ERI3: variants seen among roughly 807,000 people sequenced by gnomAD.
The protein encoded by ERI3 is ERI1 exoribonuclease 3.
ERI3 carries 18 observed loss-of-function variants against 44.4 expected under a neutral mutation model. The observed-to-expected ratio is 0.41, with a 90% CI of 0.28 to 0.60. The LOEUF (loss-of-function observed/expected upper bound fraction) is 0.60. Among genes scored for constraint, ERI3 ranks in the 20% least tolerant of loss-of-function variants. ERI3 has a pLI of 0.36. For missense variants in ERI3, 294 were observed against 435.5 expected, an observed-to-expected ratio of 0.68 and a Z score of 2.89; for synonymous variants, 183 against 164.8, an observed-to-expected ratio of 1.11 and a Z score of -0.84.
intron 7 of ERI3, among the ~76,000 whole-genome samples, chr1:44,282,627 A>ATGGC (rs1371574354): frequency 3.3e-5 from 5 of 152,202 alleles, no homozygotes; most frequent in African/African-American, 1.2e-4. Flanking sequence ...TATGTCCTGA[A>ATGGC]TGGCTGTTGG....
chr1:44,281,876 A>ATGTGTGTGTGTG (rs1491326880), intron 7 of ERI3, among the ~76,000 whole-genome samples: 2 of 96,772 alleles, frequency 2.1e-5, no homozygotes, highest in East Asian at 6.0e-4. Context: ...ATACATGTGC[A>ATGTGTGTGTGTG]TATGTGTGTG....
chr1:44,302,161 T>C (rs538655559), intron 6 of ERI3, among the ~76,000 whole-genome samples: 2 of 152,356 alleles, frequency 1.3e-5, no homozygotes, highest in South Asian at 4.1e-4. Context: ...CTCCATGTCA[T>C]CCATGCTTCT....
Position 44,284,881 on chromosome 1 carries a change from C to A in ERI3, c.785G>T (p.Gly262Val), listed in dbSNP as rs759084758. Residue 262 changes from glycine (G) to valine (V), a missense_variant, in exon 7 of 9, where the codon GGC (glycine) becomes GTC (valine). This residue lies in a region of ERI3 where 187 missense variants were observed against 338.6 expected (regional missense o/e 0.55). Transcript: ENST00000372257. Reference sequence around the variant, plus strand: ...CTTGAAGTAATCCGCCACTGGCAAGCCCAAGTACTGGCACTGGCCTGGGAG... The same window carrying A: ...CTTGAAGTAATCCGCCACTGGCAAGACCAAGTACTGGCACTGGCCTGGGAG... ...VMLPGQCQYL[G>V]LPVADYFKQW... 1 of 1,614,064 alleles carries A rather than the reference C, an allele frequency of 6.2e-7. No homozygotes were observed. The highest frequency in any genetic ancestry group is 1.1e-5 in the South Asian group (1 of 91,074).
chr1:44,341,830 C>CA (rs1341458986), intron 2 of ERI3, among the ~76,000 whole-genome samples: 4 of 152,160 alleles, frequency 2.6e-5, no homozygotes, highest in African/African-American at 9.7e-5. Flanking sequence ...GTTGAGGCTA[C>CA]AGTGAGCTGT....
chr1:44,277,987 C>T (rs753440731), intron 7 of ERI3, among the ~76,000 whole-genome samples: 19 of 152,058 alleles, frequency 1.2e-4, no homozygotes, highest in Non-Finnish European at 2.1e-4. Flanking sequence ...TTCTAGCAGC[C>T]GCACTAAAAA....
In ERI3 at chr1:44,228,784, C is replaced by A. The variant is rs991105012; in HGVS notation, c.932-7144G>T. 3.9e-5 allele frequency among the ~76,000 whole-genome samples: 6 copies of A among 152,218 alleles called. No individual in the cohort carries two copies. The highest frequency in any genetic ancestry group is 3.9e-4 in the Admixed American group (6 of 15,276). On this transcript the variant is annotated intron_variant, in intron 8 of 8. Transcript: ENST00000372257. This position sits in a 1 kb window ranked among gnomAD's most constrained non-coding sequence, Gnocchi z 4.3. ...CCTGACCAGTAAGCATAGCATCAAA[C>A]CCCTTATGTCGCTTGCAGTGCATTT... is the stretch of plus-strand genomic sequence containing the variant.
rs1644704597 is a variant in ERI3 at position 44,252,595 on chromosome 1, T to C, written c.832-4557A>G. On this transcript the variant is annotated intron_variant, in intron 7 of 8. Coordinates refer to ENST00000372257, the MANE Select transcript of ERI3 (RefSeq NM_024066.3). This position sits in a 1 kb window ranked among gnomAD's most constrained non-coding sequence, Gnocchi z 4.7. Reference sequence around the variant, plus strand: ...AATCGTGTATAATCAGCCTCCTCCATGCACTGTCAGTCCCATCACAAACAC... The same window carrying C: ...AATCGTGTATAATCAGCCTCCTCCACGCACTGTCAGTCCCATCACAAACAC... 6.6e-6 allele frequency among the ~76,000 whole-genome samples: 1 copy of C among 152,220 alleles called. No individual in the cohort carries two copies. The highest frequency in any genetic ancestry group is 2.1e-4 in the South Asian group (1 of 4,832).
intron 5 of ERI3, among the ~76,000 whole-genome samples, chr1:44,311,003 ACACACACACAC>A (rs1192945507): frequency 6.8e-6 from 1 of 147,582 alleles, no homozygotes; most frequent in Non-Finnish European, 1.5e-5. Flanking sequence ...ACACACACAC[ACACACACACAC>A]ACGTGCAGGA....
At chr1:44,232,701 G>A (rs955247012) in intron 8 of ERI3, among the ~76,000 whole-genome samples, 11 of 152,296 alleles carry the variant, frequency 7.2e-5, no homozygotes, top group African/African-American at 2.4e-4. Context: ...TCCCAGATGA[G>A]CTGTTTCCCT....
At chr1:44,264,962 T>G (rs1326498954) in intron 7 of ERI3, among the ~76,000 whole-genome samples, 1 of 152,206 alleles carries the variant, frequency 6.6e-6, no homozygotes, top group Non-Finnish European at 1.5e-5. Context: ...AGCTGGTTCA[T>G]ATGGGCTACT....
At chr1:44,237,500 G>A (rs1292727870) in intron 8 of ERI3, among the ~76,000 whole-genome samples, 1 of 152,180 alleles carries the variant, frequency 6.6e-6, no homozygotes, top group Non-Finnish European at 1.5e-5. Flanking sequence ...ATTTTCAAGA[G>A]GAAGAAACAT....
rs1337476865 is a variant in ERI3 at position 44,249,261 on chromosome 1, GA to G, written c.832-1224del. Among the ~76,000 whole-genome samples, 6 of 152,282 alleles carry G rather than the reference GA, an allele frequency of 3.9e-5. No individual in the cohort carries two copies. The East Asian group carries it at 1.2e-3, about 29-fold the overall frequency. On this transcript the variant is annotated intron_variant, in intron 7 of 8. Transcript: ENST00000372257. ...AGAATGAAGCTTGGGTGAGTTTCCA[GA>G]AGTTGGATAGGTGGTCCAGTGATGG...
rs547257733 is a variant in ERI3 at position 44,350,214 on chromosome 1, G to A, written c.211+2636C>T. Among the ~76,000 whole-genome samples the A allele has an allele frequency of 5.3e-5, 8 of 152,180 alleles. No homozygotes were observed. The East Asian group carries it at 1.5e-3, about 29-fold the overall frequency. ...CCCTAAGACCAAGACTCCTTCCAGGGCTCCGTTTATTCCATACTTCATTAA... is the reference window on the plus strand; with the variant it reads ...CCCTAAGACCAAGACTCCTTCCAGGACTCCGTTTATTCCATACTTCATTAA... On this transcript the variant is annotated intron_variant, in intron 2 of 8. Transcript: ENST00000372257.
chr1:44,268,014 A>G (rs924341928), intron 7 of ERI3, among the ~76,000 whole-genome samples: 4 of 152,244 alleles, frequency 2.6e-5, no homozygotes, highest in African/African-American at 9.6e-5. Flanking sequence ...AGGCACAGGA[A>G]CATACAGACG....
chr1:44,276,811 C>T (rs1645188635), intron 7 of ERI3, among the ~76,000 whole-genome samples: 1 of 152,224 alleles, frequency 6.6e-6, no homozygotes, highest in Admixed American at 6.5e-5. Flanking sequence ...AATTCCCTAT[C>T]CCTTTCATCA....
chr1:44,316,487 T>C (rs961364024), intron 4 of ERI3, among the ~76,000 whole-genome samples: 3 of 152,198 alleles, frequency 2.0e-5, no homozygotes, highest in Non-Finnish European at 4.4e-5. Flanking sequence ...GCTGGCTTCA[T>C]CAAGAACACT....
chr1:44,313,170 T>G lies in ERI3; in HGVS notation c.665A>C (p.Glu222Ala). The G allele has an allele frequency of 6.2e-7, 1 of 1,614,100 alleles. No individual in the cohort carries two copies. The highest frequency in any genetic ancestry group is 8.5e-7 in the Non-Finnish European group (1 of 1,179,962). The change falls in exon 5 of 9, where the codon GAG becomes GCG. Residue 222 changes from glutamate (E) to alanine (A), a missense_variant and splice_region_variant. Around this residue, in one of 2 missense-constraint regions of ERI3, gnomAD observed 187 missense variants for 338.6 expected, o/e 0.55. Coordinates refer to ENST00000372257, the MANE Select transcript of ERI3 (RefSeq NM_024066.3). ...DGQPSLQQVLERVDEWMAKEG... is the reference protein window; with the variant it reads ...DGQPSLQQVLARVDEWMAKEG... The stretch of plus-strand genomic sequence containing the variant: ...GGAATTAAAGGTCACTCAACCTACC[T>G]CCAGCACTTGCTGCAGGCTTGGCTG...
intron 7 of ERI3, among the ~76,000 whole-genome samples, chr1:44,266,739 A>G (rs1375992433): frequency 1.3e-5 from 2 of 152,228 alleles, no homozygotes; most frequent in Non-Finnish European, 1.5e-5. Flanking sequence ...TTTGACACAC[A>G]TTTATTGAAT....
chr1:44,313,882 G>C (rs1177993134), intron 4 of ERI3, among the ~76,000 whole-genome samples: 1 of 152,064 alleles, frequency 6.6e-6, no homozygotes, highest in Non-Finnish European at 1.5e-5. Context: ...CTAATGTTCA[G>C]ACTATGACCT....
Sources: gnomAD v4.1 joint callset for allele counts (sites outside exome capture counted in the v4.1 genomes callset) on GRCh38, gnomAD v4.1.1 for gene constraint, gnomAD v4.1.1 regional missense constraint, Gnocchi (gnomAD v3.1) non-coding constraint, MANE v1.5 for transcripts, NCBI Gene and HGNC (gene_info 2026-07-23, HGNC 2026-07-21) for gene names.